Variants in PIGN observed in about 807,000 individuals in gnomAD.
PIGN encodes the protein phosphatidylinositol glycan anchor biosynthesis class N.
PIGN carries 117 observed loss-of-function variants against 125.4 expected under a neutral mutation model. That is an observed-to-expected ratio of 0.93 (90% confidence interval 0.80 to 1.09). PIGN has a LOEUF of 1.09. Among genes scored for constraint, PIGN ranks in the 50% least tolerant of loss-of-function variants. PIGN has a pLI of 0.00. For missense variants in PIGN, 1,075 were observed against 1,094.9 expected (o/e 0.98, Z 0.26); for synonymous variants, 392 against 377.8 (o/e 1.04, Z -0.44).
intron 14 of PIGN, among the ~76,000 whole-genome samples, chr18:62,114,851 A>C (rs1213219757): frequency 6.6e-6 from 1 of 152,240 alleles, no homozygotes; most frequent in East Asian, 1.9e-4. Flanking sequence ...TCGAAGTTTC[A>C]AATGCCAAAC....
chr18:62,026,796 A>G (rs145510028), intron 23 of PIGN, among the ~76,000 whole-genome samples: 1 of 152,376 alleles, frequency 6.6e-6, no homozygotes, highest in African/African-American at 2.4e-5. Flanking sequence ...GGAAGTAGGA[A>G]GGAGGCAACA....
At chr18:62,182,757 C>T (rs1264795809) in intron 1 of PIGN, among the ~76,000 whole-genome samples, 2 of 151,866 alleles carry the variant, frequency 1.3e-5, no homozygotes, top group Admixed American at 6.6e-5. Context: ...GTGAAGCATT[C>T]ACTGTCTTTA....
rs117761608 is a variant in PIGN, at chr18:62,131,121, C to T, written c.1172+7122G>A. ...ATACAAGCTAGTATTTAAGTTGGGTCTAAGGGAAGGGCCTTTATCAGCTAA... is the reference window on the plus strand; with the variant it reads ...ATACAAGCTAGTATTTAAGTTGGGTTTAAGGGAAGGGCCTTTATCAGCTAA... On this transcript the variant is annotated intron_variant, in intron 14 of 30. Transcript: ENST00000640252. Among the ~76,000 whole-genome samples the T allele has an allele frequency of 5.6e-3, 846 of 151,998 alleles. 5 individuals carry two copies. The highest frequency in any genetic ancestry group is 9.1e-3 in the Non-Finnish European group (618 of 67,950).
intron 25 of PIGN, among the ~76,000 whole-genome samples, chr18:62,087,974 T>G (rs552562128): frequency 1.6e-4 from 24 of 152,286 alleles, no homozygotes; most frequent in Admixed American, 1.4e-3. Flanking sequence ...AATATTGTAT[T>G]GTATACTTGA....
At chr18:62,133,454 CTAAT>C (rs1161477719) in intron 14 of PIGN, among the ~76,000 whole-genome samples, 2 of 152,196 alleles carry the variant, frequency 1.3e-5, no homozygotes, top group South Asian at 2.1e-4. Flanking sequence ...TTTCTCAAAA[CTAAT>C]TAAGCTATTC....
intron 11 of PIGN, 96 bp downstream of exon 11, chr18:62,143,210 T>C: frequency 1.5e-6 from 1 of 679,672 alleles, no homozygotes; most frequent in Non-Finnish European, 2.5e-6. Context: ...AAAAAGACTT[T>C]GTCAATATTA....
At chr18:62,019,137 A>G (rs777982227) in intron 23 of PIGN, among the ~76,000 whole-genome samples, 11 of 152,202 alleles carry the variant, frequency 7.2e-5, no homozygotes, top group Non-Finnish European at 1.5e-4. Context: ...CAAGTCTAGG[A>G]GTTTCAGGCT....
intron 7 of PIGN, among the ~76,000 whole-genome samples, chr18:62,151,059 T>C (rs1883678393): frequency 6.6e-6 from 1 of 152,176 alleles, no homozygotes; most frequent in East Asian, 1.9e-4. Context: ...CTAGAGATTA[T>C]TAGCTGCATA....
chr18:62,139,101 T>G (rs2036040470), intron 12 of PIGN, 26 bp from the exon 13 acceptor site: 1 of 1,418,536 alleles, frequency 7.0e-7, no homozygotes, highest in South Asian at 1.2e-5. Flanking sequence ...ACCAGCTTAT[T>G]GATAGTATTC....
At chr18:62,126,089 A>G (rs1291274391) in intron 14 of PIGN, among the ~76,000 whole-genome samples, 1 of 152,090 alleles carries the variant, frequency 6.6e-6, no homozygotes, top group Non-Finnish European at 1.5e-5. Context: ...TGGATCAGTC[A>G]TTGTATCTAT....
intron 25 of PIGN, among the ~76,000 whole-genome samples, chr18:62,088,220 T>C (rs956399793): frequency 2.0e-5 from 3 of 152,184 alleles, no homozygotes; most frequent in Non-Finnish European, 4.4e-5. Context: ...CTATGATTTC[T>C]TGCAGCTAGT....
chr18:62,035,495 G>A (rs1297130655), intron 23 of PIGN, among the ~76,000 whole-genome samples: 4 of 152,060 alleles, frequency 2.6e-5, no homozygotes, highest in Non-Finnish European at 5.9e-5. Flanking sequence ...TTTTCAGAAG[G>A]CCTTATTTAA....
chr18:62,025,900 T>A (rs2030112546), intron 23 of PIGN, among the ~76,000 whole-genome samples: 1 of 152,194 alleles, frequency 6.6e-6, no homozygotes, highest in Non-Finnish European at 1.5e-5. Context: ...CATTCGTCTT[T>A]TACTTAGATT....
At chr18:62,025,191 A>T (rs551051094) in intron 23 of PIGN, among the ~76,000 whole-genome samples, 3 of 152,318 alleles carry the variant, frequency 2.0e-5, no homozygotes, top group Non-Finnish European at 2.9e-5. Context: ...TTACTCATAT[A>T]TGTATTTGCT....
intron 16 of PIGN, among the ~76,000 whole-genome samples, chr18:62,112,142 G>T (rs1466426488): frequency 6.6e-6 from 1 of 152,024 alleles, no homozygotes; most frequent in East Asian, 1.9e-4. Context: ...TGAGTTCTAA[G>T]AATGCCTAGA....
At chr18:62,161,535 G>T (rs1404939720) in intron 3 of PIGN, 150 bp from the exon 4 acceptor site, 3 of 514,006 alleles carry the variant, frequency 5.8e-6, no homozygotes, top group Non-Finnish European at 1.0e-5. Context: ...GTAACAATAA[G>T]CACTATTTAA....
At chr18:62,063,845 G>A (rs145042295) in intron 30 of PIGN, among the ~76,000 whole-genome samples, 9,416 of 147,326 alleles carry the variant, frequency 0.064, 418 homozygotes, top group Admixed American at 0.11. Flanking sequence ...ACCAAACACC[G>A]CATGTTCTCA....
rs141229831 is a variant in PIGN at position 62,101,417 on chromosome 18, G to C, written c.1969-234C>G. On this transcript the variant is annotated intron_variant, in intron 21 of 30. Transcript: ENST00000640252. ...CTCAGGGGTATGTCTAACAAAGCAC[G>C]TAAGAATGTTAGCATGATATTCTTG... Among the ~76,000 whole-genome samples the C allele has an allele frequency of 1.1e-3, 175 of 152,284 alleles. 1 individual carries two copies. Among genetic ancestry groups the C allele is most frequent in the Middle Eastern group, 3.4e-3 (1 of 292 alleles).
At chr18:62,020,795 TAAAA>T (rs58826066) in intron 23 of PIGN, among the ~76,000 whole-genome samples, 31,938 of 140,926 alleles carry the variant, frequency 0.23, 3,767 homozygotes, top group Middle Eastern at 0.38. Context: ...CTAAAAATAT[TAAAA>T]AAAAAAAAAA....
Sources: gnomAD v4.1 joint callset for allele counts (sites outside exome capture counted in the v4.1 genomes callset) on GRCh38, gnomAD v4.1.1 for gene constraint, MANE v1.5 for transcripts, NCBI Gene and HGNC (gene_info 2026-07-23, HGNC 2026-07-21) for gene names.